Variants in PDE8B observed in about 807,000 individuals in gnomAD.
The protein encoded by PDE8B is phosphodiesterase 8B, also known as high affinity cAMP-specific and IBMX-insensitive 3',5'-cyclic phosphodiesterase 8B.
Under a neutral mutation model 101.3 loss-of-function variants are expected in PDE8B, and 26 were observed. The ratio of observed to expected loss-of-function variants is 0.26; its 90% CI spans 0.19 to 0.36. PDE8B has a LOEUF of 0.36. Ranked by LOEUF, PDE8B falls within the 10% of genes least tolerant of loss-of-function variation. PDE8B has a pLI of 1.00. For synonymous variants in PDE8B, 424 were observed against 429.3 expected, an observed-to-expected ratio of 0.99 and a Z score of 0.15; for missense variants, 810 against 1,163.1, an observed-to-expected ratio of 0.70 and a Z score of 4.42.
At chr5:77,193,011 C>T in the PDE8B span, among the ~76,000 whole-genome samples, 1 of 151,882 alleles carries the variant, frequency 6.6e-6, no homozygotes, top group African/African-American at 2.4e-5. Flanking sequence ...AATATTTTGC[C>T]CAATTTTTAA....
chr5:77,212,277 C>T (rs1265650947), intron 1 of PDE8B, among the ~76,000 whole-genome samples: 1 of 152,082 alleles, frequency 6.6e-6, no homozygotes, highest in Admixed American at 6.6e-5. Context: ...TTTACCTGGT[C>T]AATAGGTTAC....
intron 10 of PDE8B, among the ~76,000 whole-genome samples, chr5:77,384,641 C>T (rs147887934): frequency 0.013 from 1,967 of 152,186 alleles, 23 homozygotes; most frequent in Non-Finnish European, 0.02. Flanking sequence ...TTTTGAGATA[C>T]GTTCAATCAA....
intron 6 of PDE8B, among the ~76,000 whole-genome samples, chr5:77,340,547 T>G (rs918943109): frequency 3.3e-5 from 5 of 151,892 alleles, no homozygotes; most frequent in Non-Finnish European, 7.4e-5. Flanking sequence ...CAGAATCTTT[T>G]CCCTACAAGC....
At chr5:77,420,340 A>G (rs1796370315) in intron 19 of PDE8B, among the ~76,000 whole-genome samples, 1 of 150,120 alleles carries the variant, frequency 6.7e-6, no homozygotes, top group African/African-American at 2.4e-5. Context: ...GTGACTGGAA[A>G]GCAGAAGCAT....
chr5:77,362,836 C>T (rs1783373017), intron 10 of PDE8B, among the ~76,000 whole-genome samples: 1 of 152,218 alleles, frequency 6.6e-6, no homozygotes, highest in African/African-American at 2.4e-5. Context: ...ATCTTGGTCC[C>T]CTGAGCCAGG....
chr5:77,230,604 T>C (rs747684253), intron 1 of PDE8B, among the ~76,000 whole-genome samples: 37 of 152,116 alleles, frequency 2.4e-4, no homozygotes, highest in African/African-American at 7.7e-4. Context: ...GTATCTAGGA[T>C]TACAGGCGCC....
At chr5:77,337,614 T>A (rs1204323596) in intron 6 of PDE8B, among the ~76,000 whole-genome samples, 1 of 152,238 alleles carries the variant, frequency 6.6e-6, no homozygotes, top group East Asian at 1.9e-4. Context: ...GGAATAGCCT[T>A]GAGAATTATT....
intron 1 of PDE8B, among the ~76,000 whole-genome samples, chr5:77,249,645 G>A (rs901660627): frequency 6.6e-6 from 1 of 152,254 alleles, no homozygotes; most frequent in Admixed American, 6.5e-5. Context: ...TGTGTGGGAT[G>A]CAATATGCCA....
intron 4 of PDE8B, among the ~76,000 whole-genome samples, chr5:77,329,537 AGGACAG>A (rs1475028396): frequency 6.6e-6 from 1 of 152,214 alleles, no homozygotes; most frequent in Non-Finnish European, 1.5e-5. Context: ...GGCTAGAGGC[AGGACAG>A]TAGAGTTTAT....
intron 1 of PDE8B, chr5:77,213,855 G>A (rs1309904977): frequency 6.6e-6 from 1 of 151,990 alleles, no homozygotes. Flanking sequence ...TAAGCTTTTA[G>A]AATGATGAGG....
chr5:77,368,653 G>T (rs1266250471), intron 10 of PDE8B, among the ~76,000 whole-genome samples: 4 of 151,980 alleles, frequency 2.6e-5, no homozygotes, highest in Non-Finnish European at 5.9e-5. Flanking sequence ...TTTCCCCAAG[G>T]GCCTTACACG....
At chr5:77,277,639 T>C (rs1764105533) in intron 1 of PDE8B, among the ~76,000 whole-genome samples, 1 of 152,232 alleles carries the variant, frequency 6.6e-6, no homozygotes, top group African/African-American at 2.4e-5. Context: ...TTTTATTATA[T>C]CTTGCATTTT....
rs1794912095 is a variant in PDE8B, at chr5:77,413,319, T to G, written c.1911+10T>G. 1 of 1,610,602 alleles carries G rather than the reference T, an allele frequency of 6.2e-7. No individual in the cohort carries two copies. Among genetic ancestry groups the G allele is most frequent in the Non-Finnish European group, 8.5e-7 (1 of 1,176,924 alleles). On this transcript the variant is annotated intron_variant, in intron 17 of 21. Transcript: ENST00000264917. ...AAAGGAAAGAGTAAAGGTAGGATTT[T>G]GATATCATGACCTAGTTACCTGCCT...
At chr5:77,128,073 C>T in the PDE8B span, among the ~76,000 whole-genome samples, 1 of 152,194 alleles carries the variant, frequency 6.6e-6, no homozygotes, top group Admixed American at 6.5e-5. Context: ...TATTTTGAGA[C>T]TTTCAAAGCA....
chr5:77,103,223 G>A, the PDE8B span, among the ~76,000 whole-genome samples: 2 of 152,184 alleles, frequency 1.3e-5, no homozygotes, highest in African/African-American at 4.8e-5. Flanking sequence ...GGGAGAAATT[G>A]ATCAGGTTGT....
chr5:77,175,189 C>T, the PDE8B span, among the ~76,000 whole-genome samples: 1 of 152,312 alleles, frequency 6.6e-6, no homozygotes, highest in East Asian at 1.9e-4. Flanking sequence ...CTAGTAACCC[C>T]CATCTCTTAT....
intron 1 of PDE8B, among the ~76,000 whole-genome samples, chr5:77,246,297 G>C (rs1756928299): frequency 6.6e-6 from 1 of 152,194 alleles, no homozygotes; most frequent in Non-Finnish European, 1.5e-5. Context: ...TGTGGGCGTG[G>C]GGGGTTCCCT....
chr5:77,098,957 G>A, the PDE8B span, among the ~76,000 whole-genome samples: 1 of 152,322 alleles, frequency 6.6e-6, no homozygotes, highest in African/African-American at 2.4e-5. Context: ...ACCTCTTAAA[G>A]GTCTCACCTG....
chr5:77,374,292 A>G (rs190230795), intron 10 of PDE8B, among the ~76,000 whole-genome samples: 3 of 152,208 alleles, frequency 2.0e-5, no homozygotes, highest in Admixed American at 6.5e-5. Context: ...TGGAGAGTGT[A>G]TAATTGGCTT....
Sources: allele counts gnomAD v4.1 joint callset (sites outside exome capture counted in the v4.1 genomes callset), GRCh38; gene constraint gnomAD v4.1.1; transcripts MANE v1.5; gene names NCBI Gene and HGNC (gene_info 2026-07-23, HGNC 2026-07-21).